CERK: variants seen among roughly 807,000 people sequenced by gnomAD.
CERK encodes ceramide kinase.
Under a neutral mutation model 63.4 loss-of-function variants are expected in CERK, and 39 were observed. The ratio of observed to expected loss-of-function variants is 0.61; its 90% CI spans 0.48 to 0.80. The LOEUF (loss-of-function observed/expected upper bound fraction) is 0.80. CERK is among the 30% of genes least tolerant of loss of function. CERK has a pLI of 0.00. For synonymous variants in CERK, 302 were observed against 280.0 expected (o/e 1.08, Z -0.78); for missense variants, 670 against 714.1 (o/e 0.94, Z 0.70).
At chr22:46,729,205 A>G (rs1013355647) in intron 1 of CERK, among the ~76,000 whole-genome samples, 1 of 152,162 alleles carries the variant, frequency 6.6e-6, no homozygotes, top group Non-Finnish European at 1.5e-5. Flanking sequence ...TCTACAAAAT[A>G]AATTTTAAAA....
chr22:46,714,784 G>T lies in CERK; in HGVS notation c.380-2491C>A, dbSNP rs935989903. Among the ~76,000 whole-genome samples, 4 of 152,032 alleles carry T rather than the reference G, an allele frequency of 2.6e-5. No homozygotes were observed. The highest frequency in any genetic ancestry group is 2.0e-4 in the Admixed American group (3 of 15,258). ...GTATGACACACCACTGTGACCTTGG[G>T]AACAAAACCAGACAAAGATGTTATC... On this transcript the variant is annotated intron_variant, in intron 3 of 12. Coordinates refer to ENST00000216264, the MANE Select transcript of CERK (RefSeq NM_022766.6). This position sits in a 1 kb window ranked among gnomAD's most constrained non-coding sequence, Gnocchi z 4.4.
chr22:46,723,550 C>T (rs921459278), intron 1 of CERK, among the ~76,000 whole-genome samples: 6 of 149,690 alleles, frequency 4.0e-5, no homozygotes, highest in East Asian at 4.1e-4. Flanking sequence ...ACCCGGGAGG[C>T]GGAGGTTGCC....
In CERK at chr22:46,702,223, A is replaced by ATGTGTGTGTG. The variant is rs34222392; in HGVS notation, c.716-523_716-514dup. ...GCCAAAAAGTTAAAAAAATATATAT[A>ATGTGTGTGTG]TGTGTGTGTGTGTGTGTGTGTGTGT... On this transcript the variant is annotated intron_variant, in intron 6 of 12. Transcript: ENST00000216264. Among the ~76,000 whole-genome samples the ATGTGTGTGTG allele has an allele frequency of 9.7e-3, 822 of 84,748 alleles. 3 individuals are homozygous for ATGTGTGTGTG. The highest frequency in any genetic ancestry group is 0.019 in the Middle Eastern group (2 of 108). The allele number at this position is 84,748 out of a possible 152,430, so 55.6% of individuals were successfully genotyped here. A position where few individuals can be genotyped will look rare whatever the true frequency, so the allele number is the denominator to read the frequency against.
rs1433422762 is a variant in CERK, at chr22:46,686,894, G to C, written c.*240C>G. 1 of 496,970 alleles carries C rather than the reference G, an allele frequency of 2.0e-6. No individual in the cohort carries two copies. Among genetic ancestry groups the C allele is most frequent in the African/African-American group, 1.9e-5 (1 of 51,910 alleles). 30.8% of individuals were successfully genotyped at this position (496,970 alleles called of 1,614,324 possible). On this transcript the variant is annotated 3_prime_UTR_variant, in exon 13 of 13. Transcript: ENST00000216264. ...AAACCTAAGAGGCCAGTGCCCCCAA[G>C]TGAGCAGCTGCATCCGCTGAGAGTA...
chr22:46,721,022 A>G lies in CERK; in HGVS notation c.143-7T>C. On this transcript the variant is annotated splice_region_variant and splice_polypyrimidine_tract_variant and intron_variant, in intron 1 of 12. Coordinates refer to ENST00000216264, the MANE Select transcript of CERK (RefSeq NM_022766.6). Reference sequence around the variant, plus strand: ...ACAGGCACAGAGCAGGCATCTGTAAAAACACCACGTCCTTCTGTCAAAGAA... The same window carrying G: ...ACAGGCACAGAGCAGGCATCTGTAAGAACACCACGTCCTTCTGTCAAAGAA... 1 of 1,560,814 alleles carries G rather than the reference A, an allele frequency of 6.4e-7. No individual in the cohort carries two copies.
chr22:46,699,477 A>G lies in CERK; in HGVS notation c.791-12T>C. On this transcript the variant is annotated splice_polypyrimidine_tract_variant and intron_variant, in intron 7 of 12. Transcript: ENST00000216264. ...GGCCAGCGAGTCCCCTGTGGGAGAG[A>G]ACGGCCGTGAGGGAAGGCAGCCCCC... 2 of 1,613,580 alleles carry G rather than the reference A, an allele frequency of 1.2e-6. No homozygotes were observed. The highest frequency in any genetic ancestry group is 1.7e-6 in the Non-Finnish European group (2 of 1,179,692).
At chr22:46,723,626 C>CA (rs1313458859) in intron 1 of CERK, among the ~76,000 whole-genome samples, 1 of 150,842 alleles carries the variant, frequency 6.6e-6, no homozygotes, top group South Asian at 2.1e-4. Context: ...CTCAGGAAAA[C>CA]AAAAAAAGAA....
At position 46,720,089 on chromosome 22, in the gene CERK, G is replaced by T. The variant is rs368394262; in HGVS notation, c.376C>A (p.Leu126Met). The T allele has an allele frequency of 4.3e-6, 7 of 1,613,382 alleles. No homozygotes were observed. The highest frequency in any genetic ancestry group is 5.9e-6 in the Non-Finnish European group (7 of 1,179,856). Reference sequence around the variant, plus strand: ...CTCAGTCCAAACACACACGTACTCAGCTTCTCCAGCATCTCCCGCAGGGTC... The same window carrying T: ...CTCAGTCCAAACACACACGTACTCATCTTCTCCAGCATCTCCCGCAGGGTC... ...LQTLREMLEK[L>M]TSRPKHLLVF... is the part of the protein sequence containing the mutation. The change falls in exon 3 of 13, where the codon CTG becomes ATG. Residue 126 changes from leucine to methionine, a missense_variant. Physicochemically the swap from Leu to Met is conservative, Grantham distance 15. Coordinates refer to ENST00000216264, the MANE Select transcript of CERK (RefSeq NM_022766.6).
At chr22:46,726,171 G>A (rs190447576) in intron 1 of CERK, among the ~76,000 whole-genome samples, 22 of 152,350 alleles carry the variant, frequency 1.4e-4, no homozygotes, top group African/African-American at 4.8e-4. Flanking sequence ...AGAACATGCC[G>A]CTCCAGACCT....
chr22:46,689,916 TG>T, intron 12 of CERK, 75 bp downstream of exon 12: 2 of 1,132,714 alleles, frequency 1.8e-6, no homozygotes, highest in Non-Finnish European at 2.5e-6. Context: ...CCCCCCACCC[TG>T]GGTGGGGCAG....
chr22:46,733,403 C>T lies in CERK; in HGVS notation c.142+4604G>A, dbSNP rs373319721. Among the ~76,000 whole-genome samples, 166 of 151,114 alleles carry T rather than the reference C, an allele frequency of 1.1e-3. 2 individuals are homozygous for T. The highest frequency in any genetic ancestry group is 3.7e-3 in the African/African-American group (153 of 41,268). ...CCGCCTCCCAGGTTCAAGAGATTCT[C>T]GTGCCTCAGCCTCCTGAGAGGCTGG... is the stretch of plus-strand genomic sequence containing the variant. On this transcript the variant is annotated intron_variant, in intron 1 of 12. Coordinates refer to ENST00000216264, the MANE Select transcript of CERK (RefSeq NM_022766.6).
chr22:46,720,877 G>A (rs2082888680), intron 2 of CERK, 25 bp downstream of exon 2: 1 of 1,368,280 alleles, frequency 7.3e-7, no homozygotes, highest in Non-Finnish European at 1.0e-6. Context: ...TGAAGAATGT[G>A]GGAGAAGACA....
At chr22:46,736,191 A>C (rs896742007) in intron 1 of CERK, among the ~76,000 whole-genome samples, 3 of 152,270 alleles carry the variant, frequency 2.0e-5, no homozygotes, top group African/African-American at 7.2e-5. Flanking sequence ...GGCAAACCCC[A>C]GCAGGCTGGA....
chr22:46,699,266 G>C (rs1316044091), intron 8 of CERK, 47 bp downstream of exon 8: 1 of 1,596,998 alleles, frequency 6.3e-7, no homozygotes, highest in Non-Finnish European at 8.6e-7. Context: ...TGTGAAGGCA[G>C]TCGGGGCACG....
In CERK at chr22:46,696,169, C is replaced by T. The variant is rs118023871; in HGVS notation, c.944-854G>A. ...ACCGCCCAGGGGTGGGGGAAGCTGCCGGCAAGAGCAGTCTGGCTCCTAGGA... is the reference window on the plus strand; with the variant it reads ...ACCGCCCAGGGGTGGGGGAAGCTGCTGGCAAGAGCAGTCTGGCTCCTAGGA... On this transcript the variant is annotated intron_variant, in intron 8 of 12. Transcript: ENST00000216264. Among the ~76,000 whole-genome samples, 137 of 152,326 alleles carry T rather than the reference C, an allele frequency of 9.0e-4. 1 individual carries two copies. In the East Asian group the frequency reaches 0.024, roughly 26 times the overall value.
intron 1 of CERK, among the ~76,000 whole-genome samples, chr22:46,729,012 C>T (rs1330313686): frequency 2.0e-5 from 3 of 152,218 alleles, no homozygotes; most frequent in East Asian, 1.9e-4. Context: ...CCACCTCCCT[C>T]GCCACATGAG....
At chr22:46,688,184 G>A (rs1435636936) in intron 12 of CERK, among the ~76,000 whole-genome samples, 1 of 152,012 alleles carries the variant, frequency 6.6e-6, no homozygotes, top group Non-Finnish European at 1.5e-5. Context: ...GCAAAACTCT[G>A]TCTCAAAAAA....
intron 12 of CERK, among the ~76,000 whole-genome samples, chr22:46,689,010 T>C (rs1330042299): frequency 1.3e-5 from 2 of 152,274 alleles, no homozygotes; most frequent in Non-Finnish European, 2.9e-5. Context: ...GGTTATGTGA[T>C]ACATCACAGA....
rs369294404 is a variant in CERK, at chr22:46,691,606, C to T, written c.1298G>A (p.Arg433Lys). 23 of 1,613,846 alleles carry T rather than the reference C, an allele frequency of 1.4e-5. No individual in the cohort carries two copies. Among genetic ancestry groups the T allele is most frequent in the Non-Finnish European group, 1.9e-5 (22 of 1,180,032 alleles). Residue 433 changes from arginine to lysine, a missense_variant, in exon 11 of 13, where the codon AGA becomes AAA. Coordinates refer to ENST00000216264, the MANE Select transcript of CERK (RefSeq NM_022766.6). ...CTGGTTGGTGTGCCTGATGAGAAATCTCAGAAAATTGAACCTGGAGCATTT... is the reference window on the plus strand; with the variant it reads ...CTGGTTGGTGTGCCTGATGAGAAATTTCAGAAAATTGAACCTGGAGCATTT... ...IRKCSRFNFL[R>K]FLIRHTNQQD...
Sources: gnomAD v4.1 joint callset for allele counts (sites outside exome capture counted in the v4.1 genomes callset) on GRCh38, gnomAD v4.1.1 for gene constraint, Gnocchi (gnomAD v3.1) non-coding constraint, MANE v1.5 for transcripts, NCBI Gene and HGNC (gene_info 2026-07-23, HGNC 2026-07-21) for gene names.